Variants in PCDH9 observed in about 807,000 individuals in gnomAD.
PCDH9 encodes protocadherin-9.
Under a neutral mutation model 70.6 loss-of-function variants are expected in PCDH9, and 24 were observed. That is an observed-to-expected ratio of 0.34 (90% CI 0.25 to 0.48). The LOEUF (loss-of-function observed/expected upper bound fraction) is 0.48. Ranked by LOEUF, PCDH9 falls within the 20% of genes least tolerant of loss-of-function variation. PCDH9 has a pLI of 0.99. For missense variants in PCDH9, 1,281 were observed against 1,503.6 expected (o/e 0.85, Z 2.45); for synonymous variants, 562 against 558.5 (o/e 1.01, Z -0.09).
At chr13:66,629,338 G>T (rs750802587) in intron 4 of PCDH9, among the ~76,000 whole-genome samples, 8 of 152,276 alleles carry the variant, frequency 5.3e-5, no homozygotes, top group Non-Finnish European at 7.4e-5. Context: ...AGAAAACATG[G>T]TCAGGAACCA....
intron 4 of PCDH9, among the ~76,000 whole-genome samples, chr13:66,444,870 A>C (rs990180898): frequency 2.6e-5 from 4 of 151,876 alleles, no homozygotes; most frequent in Admixed American, 2.6e-4. Context: ...CTTAGAAAGT[A>C]TTTTTATGAG....
At chr13:66,954,285 G>A (rs984486219) in intron 2 of PCDH9, among the ~76,000 whole-genome samples, 2 of 151,988 alleles carry the variant, frequency 1.3e-5, no homozygotes, top group African/African-American at 4.8e-5. Flanking sequence ...TGTACATATT[G>A]TACTTATATA....
chr13:66,387,488 C>T (rs568271181), intron 4 of PCDH9, among the ~76,000 whole-genome samples: 1 of 151,166 alleles, frequency 6.6e-6, no homozygotes, highest in Non-Finnish European at 1.5e-5. Context: ...CGGCTTGGTG[C>T]CATTCTCATC....
intron 3 of PCDH9, among the ~76,000 whole-genome samples, chr13:66,657,261 C>T (rs2077944949): frequency 6.6e-6 from 1 of 152,196 alleles, no homozygotes; most frequent in Non-Finnish European, 1.5e-5. Flanking sequence ...ATCTCTTAGT[C>T]TCTCCTACTG....
chr13:67,146,345 T>C (rs1342885666), intron 2 of PCDH9, among the ~76,000 whole-genome samples: 2 of 152,092 alleles, frequency 1.3e-5, no homozygotes, highest in African/African-American at 4.8e-5. Context: ...ATAAAACACA[T>C]ATAAAAATGT....
chr13:66,620,081 T>G (rs1258725622), intron 4 of PCDH9, among the ~76,000 whole-genome samples: 1 of 152,198 alleles, frequency 6.6e-6, no homozygotes, highest in Non-Finnish European at 1.5e-5. Context: ...TTATGCAATT[T>G]TCCATAAATC....
At chr13:67,020,649 C>A (rs982897759) in intron 2 of PCDH9, among the ~76,000 whole-genome samples, 3 of 151,906 alleles carry the variant, frequency 2.0e-5, no homozygotes, top group South Asian at 2.1e-4. Flanking sequence ...CAAATCCCTG[C>A]GGGGAAAAAA....
At chr13:67,047,552 C>T (rs2085246449) in intron 2 of PCDH9, among the ~76,000 whole-genome samples, 1 of 152,138 alleles carries the variant, frequency 6.6e-6, no homozygotes, top group Admixed American at 6.6e-5. Context: ...ATTTCTTTCC[C>T]CCACTCTGCT....
chr13:66,436,925 A>G, intron 4 of PCDH9, among the ~76,000 whole-genome samples: 1 of 152,072 alleles, frequency 6.6e-6, no homozygotes, highest in East Asian at 1.9e-4. Flanking sequence ...CTGCAAAAAA[A>G]AAGTTATAAT....
chr13:67,147,044 T>C (rs927490310), intron 2 of PCDH9, among the ~76,000 whole-genome samples: 1 of 152,150 alleles, frequency 6.6e-6, no homozygotes, highest in African/African-American at 2.4e-5. Flanking sequence ...ACAAACAAAG[T>C]AGATAAACAA....
At chr13:66,792,819 T>C (rs1219326599) in intron 3 of PCDH9, among the ~76,000 whole-genome samples, 2 of 152,192 alleles carry the variant, frequency 1.3e-5, no homozygotes, top group South Asian at 2.1e-4. Context: ...CTCATACATA[T>C]ATATGTAGGT....
chr13:66,581,498 C>A (rs766990014), intron 4 of PCDH9, among the ~76,000 whole-genome samples: 1 of 152,078 alleles, frequency 6.6e-6, no homozygotes, highest in East Asian at 1.9e-4. Context: ...ATCAGAGATG[C>A]TTTTAATTAT....
At chr13:67,126,879 A>G (rs1289651696) in intron 2 of PCDH9, among the ~76,000 whole-genome samples, 3 of 152,162 alleles carry the variant, frequency 2.0e-5, no homozygotes, top group Non-Finnish European at 4.4e-5. Context: ...AGGGATGTCT[A>G]TAGGCAAAAT....
intron 3 of PCDH9, among the ~76,000 whole-genome samples, chr13:66,758,592 T>A (rs2079573257): frequency 6.6e-6 from 1 of 152,036 alleles, no homozygotes. Flanking sequence ...CTTTTTTGGT[T>A]GTGTTTTTGT....
chr13:66,913,911 A>G (rs2082514306), intron 2 of PCDH9, among the ~76,000 whole-genome samples: 1 of 151,984 alleles, frequency 6.6e-6, no homozygotes, highest in Non-Finnish European at 1.5e-5. Flanking sequence ...TAATTCACAA[A>G]GAGAAAAACA....
chr13:66,361,038 A>G (rs534644640), intron 4 of PCDH9, among the ~76,000 whole-genome samples: 21 of 152,236 alleles, frequency 1.4e-4, no homozygotes, highest in Non-Finnish European at 2.1e-4. Flanking sequence ...ATATAGCCCA[A>G]TGTTGGATAG....
At chr13:66,707,661 T>C (rs1408397649) in intron 3 of PCDH9, among the ~76,000 whole-genome samples, 1 of 152,172 alleles carries the variant, frequency 6.6e-6, no homozygotes. Flanking sequence ...TTAGCAGAAA[T>C]TGGAAAAGAA....
chr13:66,357,990 C>A (rs1472716672), intron 4 of PCDH9, among the ~76,000 whole-genome samples: 1 of 152,012 alleles, frequency 6.6e-6, no homozygotes. Context: ...AATAAGCATA[C>A]TGCTTCTGTT....
At chr13:66,324,952 AATTGTGGG>A (rs1955816645) in intron 4 of PCDH9, among the ~76,000 whole-genome samples, 1 of 151,874 alleles carries the variant, frequency 6.6e-6, no homozygotes, top group East Asian at 1.9e-4. Flanking sequence ...CTCTCACTTC[AATTGTGGG>A]ATACTAGATG....
Sources: gnomAD v4.1 joint callset for allele counts (sites outside exome capture counted in the v4.1 genomes callset) on GRCh38, gnomAD v4.1.1 for gene constraint, MANE v1.5 for transcripts, NCBI Gene and HGNC (gene_info 2026-07-23, HGNC 2026-07-21) for gene names.